Variants in LRPPRC observed in about 807,000 individuals in gnomAD.
LRPPRC encodes the protein leucine rich pentatricopeptide repeat containing.
Under a neutral mutation model 180.3 loss-of-function variants are expected in LRPPRC, and 120 were observed. The observed-to-expected ratio is 0.67, with a 90% confidence interval of 0.57 to 0.77. The LOEUF (loss-of-function observed/expected upper bound fraction) is 0.77, where lower values mean the gene tolerates loss of function less well. Among genes scored for constraint, LRPPRC ranks in the 30% least tolerant of loss-of-function variants. LRPPRC has a pLI of 0.00. For synonymous variants in LRPPRC, 723 were observed against 600.0 expected (o/e 1.21, Z -3.00); for missense variants, 2,012 against 1,657.2 (o/e 1.21, Z -3.72).
At chr2:43,889,314 CAAA>C (rs780032604) in intron 37 of LRPPRC, among the ~76,000 whole-genome samples, 44 of 38,330 alleles carry the variant, frequency 1.1e-3, no homozygotes, top group South Asian at 5.3e-3. Flanking sequence ...GACTCCATCT[CAAA>C]AAAAAAAAAA....
intron 27 of LRPPRC, among the ~76,000 whole-genome samples, chr2:43,923,036 G>A (rs963171898): frequency 1.3e-5 from 2 of 152,030 alleles, no homozygotes; most frequent in Admixed American, 1.3e-4. Flanking sequence ...CAAATACAAC[G>A]CAAGAAGGAA....
intron 34 of LRPPRC, 34 bp downstream of exon 34, chr2:43,899,185 G>C (rs772728415): frequency 1.4e-6 from 2 of 1,434,928 alleles, no homozygotes; most frequent in Non-Finnish European, 9.8e-7. Context: ...TGCAAGCCTC[G>C]AGCCCCACTG....
intron 12 of LRPPRC, among the ~76,000 whole-genome samples, chr2:43,962,248 T>C (rs1673377260): frequency 1.3e-5 from 2 of 152,126 alleles, no homozygotes; most frequent in Non-Finnish European, 2.9e-5. Flanking sequence ...AGTAAGAATA[T>C]GTGGGAAAGT....
intron 27 of LRPPRC, among the ~76,000 whole-genome samples, chr2:43,918,913 C>A (rs748815468): frequency 6.6e-6 from 1 of 150,864 alleles, no homozygotes; most frequent in Admixed American, 6.6e-5. Context: ...TACATACATA[C>A]GTGTACCGTA....
rs1341642116 is a variant in LRPPRC, at chr2:43,979,896, G to C, written c.399C>G (p.Leu133=). The C allele has an allele frequency of 6.2e-7, 1 of 1,613,736 alleles. No individual in the cohort carries two copies. The highest frequency in any genetic ancestry group is 8.5e-7 in the Non-Finnish European group (1 of 1,179,714). ...TCTCTTCAAGCTTTAGTTCAGGCAA[G>C]AGAGAACCACAACTACGTAGTAGAA... ...ALLLLRSCGS[L]LPELKLEERT... The change falls in exon 3 of 38, where the codon CTC becomes CTG. Residue 133 remains leucine (L), a synonymous_variant. Transcript: ENST00000260665.
chr2:43,948,638 T>C, intron 16 of LRPPRC, 120 bp from the exon 17 acceptor site: 4 of 699,686 alleles, frequency 5.7e-6, no homozygotes, highest in South Asian at 4.6e-5. Context: ...GGCTCTGAAA[T>C]GGCAACAATG....
At chr2:43,949,098 G>A (rs900344642) in intron 16 of LRPPRC, among the ~76,000 whole-genome samples, 1 of 152,146 alleles carries the variant, frequency 6.6e-6, no homozygotes, top group Admixed American at 6.6e-5. Context: ...CCATGTTACA[G>A]TAATACCTAG....
chr2:43,953,155 C>T (rs1415088960), intron 14 of LRPPRC, among the ~76,000 whole-genome samples: 1 of 152,178 alleles, frequency 6.6e-6, no homozygotes, highest in Admixed American at 6.5e-5. Flanking sequence ...CTCTGCAGCC[C>T]CTGCCCTGAT....
rs1014146737 is a variant in LRPPRC, at chr2:43,943,822, A to G, written c.2369T>C (p.Phe790Ser). 1 of 1,613,034 alleles carries G rather than the reference A, an allele frequency of 6.2e-7. No homozygotes were observed. The highest frequency in any genetic ancestry group is 8.5e-7 in the Non-Finnish European group (1 of 1,179,180). The stretch of plus-strand genomic sequence containing the variant: ...TAAAGCTGCGCCATTTAGCATGTGG[A>G]AAAAGGACAAGGCTGTTGTATCTTT... ...LIKDTTALSF[F>S]HMLNGAALRG... is the part of the protein sequence containing the mutation. The change falls in exon 23 of 38, where the codon TTC (phenylalanine) becomes TCC (serine). Residue 790 changes from phenylalanine (F) to serine (S), a missense_variant. By Grantham distance (155) the Phe-to-Ser change is radical. Transcript: ENST00000260665.
chr2:43,934,219 T>G lies in LRPPRC; in HGVS notation c.2707A>C (p.Asn903His). ...DLFFAFLQTG[N>H]YKEAKKIIET... ...ATGATCTTCTTGGCCTCTTTGTAAT[T>G]TCCTGTTTGTAGGAAGGCAAAGAAG... The change falls in exon 25 of 38, where the codon AAT becomes CAT. Residue 903 changes from asparagine (N) to histidine (H), a missense_variant. Asn to His is a moderately conservative substitution (Grantham distance 68, BLOSUM62 1). Coordinates refer to ENST00000260665, the MANE Select transcript of LRPPRC (RefSeq NM_133259.4). 2 of 1,610,354 alleles carry G rather than the reference T, an allele frequency of 1.2e-6. No individual in the cohort carries two copies. The highest frequency in any genetic ancestry group is 1.7e-6 in the Non-Finnish European group (2 of 1,176,928).
At chr2:43,995,100 G>A (rs1674966869) in intron 1 of LRPPRC, among the ~76,000 whole-genome samples, 1 of 152,148 alleles carries the variant, frequency 6.6e-6, no homozygotes, top group Non-Finnish European at 1.5e-5. Flanking sequence ...AGTTAGCCTG[G>A]CATGGTGGCG....
At chr2:43,944,470 T>C (rs541063446) in intron 22 of LRPPRC, among the ~76,000 whole-genome samples, 1 of 152,234 alleles carries the variant, frequency 6.6e-6, no homozygotes, top group East Asian at 1.9e-4. Context: ...ATTTTTATAA[T>C]GTTGTTCTTA....
intron 11 of LRPPRC, among the ~76,000 whole-genome samples, chr2:43,964,654 T>C (rs1236922982): frequency 6.6e-6 from 1 of 152,156 alleles, no homozygotes; most frequent in Admixed American, 6.5e-5. Flanking sequence ...CTAACTACAT[T>C]ATAAATACCT....
chr2:43,896,218 CTTTCTTTT>C (rs1329096054), intron 35 of LRPPRC: 2 of 59,568 alleles, frequency 3.4e-5, no homozygotes, highest in African/African-American at 7.9e-5. Flanking sequence ...TTCTTTCTTT[CTTTCTTTT>C]TTTTTTTTTT....
intron 33 of LRPPRC, 47 bp downstream of exon 33, chr2:43,899,419 G>T: frequency 6.2e-7 from 1 of 1,613,064 alleles, no homozygotes; most frequent in African/African-American, 1.3e-5. Flanking sequence ...AGTCTCACTA[G>T]AGAGAAAATG....
At chr2:43,930,313 T>C (rs1204084312) in intron 25 of LRPPRC, among the ~76,000 whole-genome samples, 1 of 152,102 alleles carries the variant, frequency 6.6e-6, no homozygotes, top group African/African-American at 2.4e-5. Context: ...TGAGGGGTCA[T>C]GAGATCATGG....
intron 25 of LRPPRC, among the ~76,000 whole-genome samples, chr2:43,931,108 G>T (rs997194169): frequency 1.3e-5 from 2 of 152,106 alleles, no homozygotes; most frequent in African/African-American, 2.4e-5. Context: ...TTTCTATCAA[G>T]AAATATATTA....
intron 13 of LRPPRC, chr2:43,959,130 A>G (rs1673235035): frequency 1.4e-6 from 1 of 689,716 alleles, no homozygotes; most frequent in Non-Finnish European, 2.7e-6. Context: ...ATGATATGAT[A>G]AAAGGAAAAG....
At chr2:43,926,636 G>A (rs1036413757) in intron 25 of LRPPRC, among the ~76,000 whole-genome samples, 1 of 152,068 alleles carries the variant, frequency 6.6e-6, no homozygotes, top group Non-Finnish European at 1.5e-5. Flanking sequence ...CAAAGTGCTG[G>A]GATTACAGGC....
Sources: allele counts gnomAD v4.1 joint callset (sites outside exome capture counted in the v4.1 genomes callset), GRCh38; gene constraint gnomAD v4.1.1; transcripts MANE v1.5; gene names NCBI Gene and HGNC (gene_info 2026-07-23, HGNC 2026-07-21).